The following XYLT1 variants were observed in gnomAD, a reference collection of about 807,000 sequenced individuals.
XYLT1 encodes xylosyltransferase 1.
XYLT1 carries 36 observed loss-of-function variants against 91.3 expected under a neutral mutation model. The ratio of observed to expected loss-of-function variants is 0.39; its 90% CI spans 0.30 to 0.52. The LOEUF (loss-of-function observed/expected upper bound fraction) is 0.52, where lower values mean the gene tolerates loss of function less well. XYLT1 is among the 20% of genes least tolerant of loss of function. The pLI is 0.68. For synonymous variants in XYLT1, 588 were observed against 532.0 expected, an observed-to-expected ratio of 1.11 and a Z score of -1.45; for missense variants, 1,242 against 1,284.5, an observed-to-expected ratio of 0.97 and a Z score of 0.51.
At chr16:17,200,090 A>T (rs144643057) in intron 4 of XYLT1, among the ~76,000 whole-genome samples, 304 of 152,006 alleles carry the variant, frequency 2.0e-3, no homozygotes, top group African/African-American at 7.0e-3. Flanking sequence ...GTGTGGTGGC[A>T]TGCACCTGTA....
chr16:17,434,018 C>T (rs888503471), intron 1 of XYLT1, among the ~76,000 whole-genome samples: 16 of 152,210 alleles, frequency 1.1e-4, no homozygotes, highest in South Asian at 4.1e-4. Context: ...GATTGAATTT[C>T]GGGCATGTAT....
chr16:17,329,762 C>T (rs1236355499), intron 2 of XYLT1, among the ~76,000 whole-genome samples: 4 of 152,162 alleles, frequency 2.6e-5, no homozygotes, highest in Non-Finnish European at 5.9e-5. Flanking sequence ...TACACATGGA[C>T]ACAGAAGAGG....
intron 5 of XYLT1, among the ~76,000 whole-genome samples, chr16:17,174,059 G>A (rs762146614): frequency 9.2e-5 from 14 of 152,138 alleles, no homozygotes; most frequent in South Asian, 6.2e-4. Context: ...GGATGTTGAC[G>A]AACCCAAGAG....
intron 2 of XYLT1, among the ~76,000 whole-genome samples, chr16:17,301,844 A>T (rs2034400677): frequency 6.6e-6 from 1 of 152,188 alleles, no homozygotes; most frequent in Non-Finnish European, 1.5e-5. Flanking sequence ...TCTCTCTCAG[A>T]CTAAGAGCTT....
At chr16:17,336,741 C>G (rs2034984748) in intron 2 of XYLT1, among the ~76,000 whole-genome samples, 1 of 152,234 alleles carries the variant, frequency 6.6e-6, no homozygotes, top group African/African-American at 2.4e-5. Context: ...CCCAGCCGAG[C>G]TGACATCCCC....
chr16:17,170,679 T>C (rs952491549), intron 5 of XYLT1, among the ~76,000 whole-genome samples: 10 of 152,220 alleles, frequency 6.6e-5, no homozygotes, highest in Non-Finnish European at 1.5e-4. Context: ...CCTTTCTCTT[T>C]GTGCTTATGG....
At chr16:17,267,500 G>C (rs371595301) in intron 2 of XYLT1, among the ~76,000 whole-genome samples, 1 of 152,190 alleles carries the variant, frequency 6.6e-6, no homozygotes. Context: ...TCCGCCTCCC[G>C]GGTTCACGCC....
At chr16:17,235,911 G>A (rs562458509) in intron 3 of XYLT1, among the ~76,000 whole-genome samples, 1 of 152,278 alleles carries the variant, frequency 6.6e-6, no homozygotes, top group Non-Finnish European at 1.5e-5. Context: ...CTGTAGCTCA[G>A]GCTGGGGTGC....
At chr16:17,460,829 C>A (rs1437600456) in intron 1 of XYLT1, among the ~76,000 whole-genome samples, 1 of 152,184 alleles carries the variant, frequency 6.6e-6, no homozygotes, top group Non-Finnish European at 1.5e-5. Context: ...ACCGTGTGGA[C>A]AAAATCAAAC....
rs2033317821 is a variant in XYLT1, at chr16:17,239,793, A to G, written c.913+19195T>C. Among the ~76,000 whole-genome samples the G allele has an allele frequency of 2.0e-5, 3 of 152,054 alleles. 1 individual carries two copies. The highest frequency in any genetic ancestry group is 1.5e-5 in the Non-Finnish European group (1 of 68,012). ...CCATCCACCAACCACCCACTCGCTC[A>G]GCCAGTCCATTCATCCATCCTTTCA... On this transcript the variant is annotated intron_variant, in intron 3 of 11. Coordinates refer to ENST00000261381, the MANE Select transcript of XYLT1 (RefSeq NM_022166.4).
intron 5 of XYLT1, among the ~76,000 whole-genome samples, chr16:17,170,475 T>C (rs906701793): frequency 3.3e-5 from 5 of 152,170 alleles, no homozygotes; most frequent in Admixed American, 1.3e-4. Flanking sequence ...CGGAAACTGC[T>C]CAGCACAACT....
chr16:17,275,170 C>G (rs974771810), intron 2 of XYLT1, among the ~76,000 whole-genome samples: 8 of 152,080 alleles, frequency 5.3e-5, no homozygotes, highest in Admixed American at 1.3e-4. Context: ...GAGGGAGACT[C>G]CATCTCAAAA....
At chr16:17,411,671 G>A (rs1267001652) in intron 1 of XYLT1, among the ~76,000 whole-genome samples, 1 of 152,132 alleles carries the variant, frequency 6.6e-6, no homozygotes, top group Non-Finnish European at 1.5e-5. Flanking sequence ...ACTTTTCTGG[G>A]ACCTCTGATC....
At chr16:17,196,497 A>G (rs1157093618) in intron 5 of XYLT1, among the ~76,000 whole-genome samples, 1 of 152,236 alleles carries the variant, frequency 6.6e-6, no homozygotes, top group African/African-American at 2.4e-5. Context: ...GAAAGTCCAG[A>G]TACAAGAACA....
chr16:17,434,891 G>A (rs979947473), intron 1 of XYLT1, among the ~76,000 whole-genome samples: 1 of 151,844 alleles, frequency 6.6e-6, no homozygotes, highest in Non-Finnish European at 1.5e-5. Flanking sequence ...AAAAGAAGAA[G>A]AAGAAGAATG....
At chr16:17,454,945 T>C (rs887828014) in intron 1 of XYLT1, among the ~76,000 whole-genome samples, 30 of 106,448 alleles carry the variant, frequency 2.8e-4, no homozygotes, top group African/African-American at 1.1e-3. Flanking sequence ...AAACATAAAA[T>C]CCATCCTTAG....
At chr16:17,411,045 G>A (rs4430718) in intron 1 of XYLT1, among the ~76,000 whole-genome samples, 24,881 of 152,156 alleles carry the variant, frequency 0.16, 2,083 homozygotes, top group Non-Finnish European at 0.19. Flanking sequence ...GTAAAGAACC[G>A]GGGCCCTCGA....
chr16:17,412,380 C>T (rs2036122397), intron 1 of XYLT1, among the ~76,000 whole-genome samples: 1 of 152,040 alleles, frequency 6.6e-6, no homozygotes, highest in African/African-American at 2.4e-5. Context: ...CGTACACAAA[C>T]ACACACAAAC....
chr16:17,333,234 G>T (rs2141840148), intron 2 of XYLT1, among the ~76,000 whole-genome samples: 1 of 152,208 alleles, frequency 6.6e-6, no homozygotes, highest in South Asian at 2.1e-4. Flanking sequence ...AAAGTAAAAA[G>T]AAATTGATTA....
Sources: gnomAD v4.1 joint callset for allele counts (sites outside exome capture counted in the v4.1 genomes callset) on GRCh38, gnomAD v4.1.1 for gene constraint, MANE v1.5 for transcripts, NCBI Gene and HGNC (gene_info 2026-07-23, HGNC 2026-07-21) for gene names.